Variants in CALHM1 observed in about 807,000 individuals in gnomAD.
The protein encoded by CALHM1 is calcium homeostasis modulator 1, also known as calcium homeostasis modulator protein 1.
Under a neutral mutation model 14.8 loss-of-function variants are expected in CALHM1, and 11 were observed. The ratio of observed to expected loss-of-function variants is 0.74; its 90% confidence interval spans 0.47 to 1.23. The LOEUF (loss-of-function observed/expected upper bound fraction) is 1.23. CALHM1 is among the 50% of genes most tolerant of loss of function. The pLI is 0.00. For synonymous variants in CALHM1, 215 were observed against 218.9 expected (o/e 0.98, Z 0.16); for missense variants, 458 against 496.4 (o/e 0.92, Z 0.74).
At position 103,458,395 on chromosome 10, in the gene CALHM1, T is replaced by A; in HGVS notation, c.357A>T (p.Leu119=). The change falls in exon 1 of 2, where the codon CTA becomes CTT. Residue 119 remains leucine, a synonymous_variant. Transcript: ENST00000329905. The surrounding 1 kb of genome is among the most constrained non-coding windows in gnomAD (Gnocchi z 4.9). ...CACAGAGGAAGCATTTGCCGTCGAGTAGCGTGACGGCCACCCAGACGACAG... is the reference window on the plus strand; with the variant it reads ...CACAGAGGAAGCATTTGCCGTCGAGAAGCGTGACGGCCACCCAGACGACAG... The part of the protein sequence containing the change: ...IAPVVWVAVT[L]LDGKCFLCAF... The A allele has an allele frequency of 6.2e-7, 1 of 1,608,934 alleles. No individual in the cohort carries two copies. The highest frequency in any genetic ancestry group is 8.5e-7 in the Non-Finnish European group (1 of 1,176,958).
Position 103,455,635 on chromosome 10 carries a change from TA to T in CALHM1, c.667del (p.Tyr223IlefsTer32), listed in dbSNP as rs1564791122. On this transcript the variant is annotated frameshift_variant, in exon 2 of 2. Transcript: ENST00000329905. LOFTEE classifies it low-confidence loss of function (END_TRUNC). ...GAAGAGCTTGCGCTCGATGTCGATA[TA>T]GTGGGACCAGTACTTGCTCTTGAGG... ...AFLKSKYWSH[Y>X]IDIERKLFDE... is the part of the protein sequence containing the mutation. 6.2e-7 allele frequency: 1 copy of T among 1,613,812 alleles called. No individual in the cohort carries two copies. The highest frequency in any genetic ancestry group is 8.5e-7 in the Non-Finnish European group (1 of 1,180,028).
rs2033177972 is a variant in CALHM1, at chr10:103,458,362, G to A, written c.390C>T (p.Cys130=). The change falls in exon 1 of 2, where the codon TGC becomes TGT. Residue 130 remains cysteine (C), a synonymous_variant. Transcript: ENST00000329905. The surrounding 1 kb of genome is among the most constrained non-coding windows in gnomAD (Gnocchi z 4.9). ...CCAGTGCGCTCACGGGCACGGCAGTGCAGAAGGCACAGAGGAAGCATTTGC... is the reference window on the plus strand; with the variant it reads ...CCAGTGCGCTCACGGGCACGGCAGTACAGAAGGCACAGAGGAAGCATTTGC... ...LDGKCFLCAF[C]TAVPVSALGN... 2 of 1,610,720 alleles carry A rather than the reference G, an allele frequency of 1.2e-6. No homozygotes were observed. Among genetic ancestry groups the A allele is most frequent in the Admixed American group, 3.3e-5 (2 of 59,836 alleles).
chr10:103,458,108 C>A lies in CALHM1; in HGVS notation c.555+89G>T. ...CCTCGGAGCTCCACCTGAGCAGAGG[C>A]CCCATTTTGAGAGGTAGGGGGATAG... On this transcript the variant is annotated intron_variant, in intron 1 of 1. Coordinates refer to ENST00000329905, the MANE Select transcript of CALHM1 (RefSeq NM_001001412.4). This position sits in a 1 kb window ranked among gnomAD's most constrained non-coding sequence, Gnocchi z 4.9. 1 of 1,460,530 alleles carries A rather than the reference C, an allele frequency of 6.8e-7. No homozygotes were observed. Among genetic ancestry groups the A allele is most frequent in the Non-Finnish European group, 9.4e-7 (1 of 1,069,030 alleles). 90.5% of individuals were successfully genotyped at this position (1,460,530 alleles called of 1,614,324 possible).
Position 103,458,850 on chromosome 10 carries a change from G to A in CALHM1, c.-99C>T, listed in dbSNP as rs1238875130. 16 of 1,244,844 alleles carry A rather than the reference G, an allele frequency of 1.3e-5. No individual in the cohort carries two copies. In the Admixed American group the frequency reaches 1.6e-4, roughly 12 times the overall value. 77.1% of individuals were successfully genotyped at this position (1,244,844 alleles called of 1,614,324 possible). ...CCACTGGGTGCCCACCTCATGACTC[G>A]GGCTCTCCTGGCTGGGACCAACAGA... is the stretch of plus-strand genomic sequence containing the variant. On this transcript the variant is annotated 5_prime_UTR_variant, in exon 1 of 2. Coordinates refer to ENST00000329905, the MANE Select transcript of CALHM1 (RefSeq NM_001001412.4). The surrounding 1 kb of genome is among the most constrained non-coding windows in gnomAD (Gnocchi z 4.9).
In CALHM1 at chr10:103,458,606, T is replaced by C. The variant is rs201773178; in HGVS notation, c.146A>G (p.Asn49Ser). The C allele has an allele frequency of 1.4e-4, 228 of 1,613,834 alleles. No homozygotes were observed. The highest frequency in any genetic ancestry group is 1.7e-4 in the Non-Finnish European group (199 of 1,180,034). The change falls in exon 1 of 2, where the codon AAT becomes AGT. Residue 49 changes from asparagine (N) to serine (S), a missense_variant. Coordinates refer to ENST00000329905, the MANE Select transcript of CALHM1 (RefSeq NM_001001412.4). This position sits in a 1 kb window ranked among gnomAD's most constrained non-coding sequence, Gnocchi z 4.9. ...DFNCPCLPGYNAAYSAGILLA... is the reference protein window; with the variant it reads ...DFNCPCLPGYSAAYSAGILLA... ...CAGGATGCCCGCGCTGTAGGCTGCA[T>C]TGTAGCCCGGCAGGCAGGGGCAGTT...
chr10:103,456,305 T>C lies in CALHM1; in HGVS notation c.556-558A>G, dbSNP rs1190403095. The stretch of plus-strand genomic sequence containing the variant: ...CTTCCTTGATCTCCCCAGGCCATAG[T>C]GGCCCATTTTCCTCTGAGTCCTGAA... On this transcript the variant is annotated intron_variant, in intron 1 of 1. Transcript: ENST00000329905. 2.0e-5 allele frequency among the ~76,000 whole-genome samples: 3 copies of C among 152,220 alleles called. No individual in the cohort carries two copies. In the East Asian group the frequency reaches 5.8e-4, roughly 29 times the overall value.
Position 103,455,557 on chromosome 10 carries a change from T to C in CALHM1, c.746A>G (p.Gln249Arg). Reference sequence around the variant, plus strand: ...GTCATGGTTCATGGCCTCGAAGAACTGCTGGATGCAGACCTTGGCAAAGGC... The same window carrying C: ...GTCATGGTTCATGGCCTCGAAGAACCGCTGGATGCAGACCTTGGCAAAGGC... ...AKAFAKVCIQ[Q>R]FFEAMNHDLE... Residue 249 changes from glutamine to arginine, a missense_variant, in exon 2 of 2, where the codon CAG (glutamine) becomes CGG (arginine). Gln to Arg is a conservative substitution (Grantham distance 43). Transcript: ENST00000329905. The C allele has an allele frequency of 6.2e-7, 1 of 1,614,038 alleles. No individual in the cohort carries two copies.
In CALHM1 at chr10:103,458,474, G is replaced by C. The variant is rs1375786537; in HGVS notation, c.278C>G (p.Pro93Arg). 2 of 1,613,266 alleles carry C rather than the reference G, an allele frequency of 1.2e-6. No individual in the cohort carries two copies. Among genetic ancestry groups the C allele is most frequent in the Non-Finnish European group, 1.7e-6 (2 of 1,179,940 alleles). The change falls in exon 1 of 2, where the codon CCC becomes CGC. Residue 93 changes from proline (P) to arginine (R), a missense_variant. By Grantham distance (103) the Pro-to-Arg change is moderately radical (BLOSUM62 -2). Transcript: ENST00000329905. This position sits in a 1 kb window ranked among gnomAD's most constrained non-coding sequence, Gnocchi z 4.9. ...KRPLGRRAKD[P>R]AVLRYMFCSM... ...GCAGAACATGTAGCGCAACACAGCG[G>C]GGTCCTTGGCCCGGCGGCCCAGCGG...
In CALHM1 at chr10:103,458,521, C is replaced by T. The variant is rs772370570; in HGVS notation, c.231G>A (p.Met77Ile). ...LGLVMNNNVS[M>I]LAEEWKRPLG... ...GCGGCCGCTTCCACTCTTCGGCCAG[C>T]ATGGACACGTTGTTGTTCATGACCA... Residue 77 changes from methionine (M) to isoleucine (I), a missense_variant, in exon 1 of 2, where the codon ATG (methionine) becomes ATA (isoleucine). Transcript: ENST00000329905. This position sits in a 1 kb window ranked among gnomAD's most constrained non-coding sequence, Gnocchi z 4.9. The T allele has an allele frequency of 2.5e-6, 4 of 1,613,518 alleles. No individual in the cohort carries two copies. In the East Asian group the frequency reaches 8.9e-5, roughly 36 times the overall value.
Position 103,455,266 on chromosome 10 carries a change from A to G in CALHM1, c.1037T>C (p.Val346Ala). ...GCCTCTTCAGCTGGCCACACCTCAC[A>G]CTTTGCTGAAGTAGGTGGCCACCTC... ...RKEVATYFSK[V>A] is the part of the protein sequence containing the mutation. The change falls in exon 2 of 2, where the codon GTG becomes GCG. Residue 346 changes from valine to alanine, a missense_variant. By Grantham distance (64) the Val-to-Ala change is moderately conservative. Coordinates refer to ENST00000329905, the MANE Select transcript of CALHM1 (RefSeq NM_001001412.4). 1 of 1,599,848 alleles carries G rather than the reference A, an allele frequency of 6.3e-7. No individual in the cohort carries two copies.
Position 103,458,056 on chromosome 10 carries a change from G to T in CALHM1, c.555+141C>A. ...GGGCAGATGCGTGGCTCTGCCTTCAGCCTCAGTTGGGAAGATGCCCCCCAC... is the reference window on the plus strand; with the variant it reads ...GGGCAGATGCGTGGCTCTGCCTTCATCCTCAGTTGGGAAGATGCCCCCCAC... On this transcript the variant is annotated intron_variant, in intron 1 of 1. Transcript: ENST00000329905. This position sits in a 1 kb window ranked among gnomAD's most constrained non-coding sequence, Gnocchi z 4.9. 1 of 1,009,588 alleles carries T rather than the reference G, an allele frequency of 9.9e-7. No individual in the cohort carries two copies. The highest frequency in any genetic ancestry group is 1.5e-6 in the Non-Finnish European group (1 of 688,984). The allele number at this position is 1,009,588 out of a possible 1,614,324, so 62.5% of individuals were successfully genotyped here.
In CALHM1 at chr10:103,458,507, C is replaced by G. The variant is rs749237543; in HGVS notation, c.245G>C (p.Trp82Ser). 1 of 1,613,504 alleles carries G rather than the reference C, an allele frequency of 6.2e-7. No individual in the cohort carries two copies. The highest frequency in any genetic ancestry group is 8.5e-7 in the Non-Finnish European group (1 of 1,180,010). The change falls in exon 1 of 2, where the codon TGG (tryptophan) becomes TCG (serine). Residue 82 changes from tryptophan to serine, a missense_variant. Coordinates refer to ENST00000329905, the MANE Select transcript of CALHM1 (RefSeq NM_001001412.4). The surrounding 1 kb of genome is among the most constrained non-coding windows in gnomAD (Gnocchi z 4.9). ...GGCCCGGCGGCCCAGCGGCCGCTTC[C>G]ACTCTTCGGCCAGCATGGACACGTT... is the stretch of plus-strand genomic sequence containing the variant. Reference protein sequence around the residue: ...NNNVSMLAEEWKRPLGRRAKD... With the variant: ...NNNVSMLAEESKRPLGRRAKD...
chr10:103,455,071 C>T lies in CALHM1; in HGVS notation c.*191G>A. On this transcript the variant is annotated 3_prime_UTR_variant, in exon 2 of 2. Coordinates refer to ENST00000329905, the MANE Select transcript of CALHM1 (RefSeq NM_001001412.4). ...CCTAGGGCCATCCAGGGCAGTGTCA[C>T]ACCTGAAGGCATCAGATCCCCTTCC... The T allele has an allele frequency of 6.2e-6, 5 of 807,834 alleles. No individual in the cohort carries two copies. Among genetic ancestry groups the T allele is most frequent in the Non-Finnish European group, 7.6e-6 (4 of 527,200 alleles). 50.0% of individuals were successfully genotyped at this position (807,834 alleles called of 1,614,324 possible).
In CALHM1 at chr10:103,455,438, T is replaced by C; in HGVS notation, c.865A>G (p.Lys289Glu). 6.2e-7 allele frequency: 1 copy of C among 1,613,998 alleles called. No individual in the cohort carries two copies. Among genetic ancestry groups the C allele is most frequent in the South Asian group, 1.1e-5 (1 of 91,080 alleles). ...TPDGAEEERE[K>E]LRGITDQGTM... Reference sequence around the variant, plus strand: ...CCTTGATCCGTGATGCCACGCAGCTTCTCCCTTTCCTCCTCCGCACCATCG... The same window carrying C: ...CCTTGATCCGTGATGCCACGCAGCTCCTCCCTTTCCTCCTCCGCACCATCG... Residue 289 changes from lysine (K) to glutamate (E), a missense_variant, in exon 2 of 2, where the codon AAG (lysine) becomes GAG (glutamate). Transcript: ENST00000329905.
chr10:103,455,552 A>G lies in CALHM1; in HGVS notation c.751T>C (p.Phe251Leu). ...TCCAGGTCATGGTTCATGGCCTCGA[A>G]GAACTGCTGGATGCAGACCTTGGCA... ...AFAKVCIQQF[F>L]EAMNHDLELG... The change falls in exon 2 of 2, where the codon TTC becomes CTC. Residue 251 changes from phenylalanine to leucine, a missense_variant. Transcript: ENST00000329905. The G allele has an allele frequency of 6.2e-7, 1 of 1,614,018 alleles. No individual in the cohort carries two copies. Among genetic ancestry groups the G allele is most frequent in the Non-Finnish European group, 8.5e-7 (1 of 1,180,026 alleles).
rs2033105235 is a variant in CALHM1 at position 103,453,967 on chromosome 10, A to T, written c.*1295T>A. The T allele has an allele frequency of 2.0e-5, 3 of 152,350 alleles. No individual in the cohort carries two copies. Among genetic ancestry groups the T allele is most frequent in the South Asian group, 4.1e-4 (2 of 4,826 alleles). 9.4% of individuals were successfully genotyped at this position (152,350 alleles called of 1,614,324 possible). Reference sequence around the variant, plus strand: ...ATGGAATCATGCCAAGATCAAAATGAATCCTTAGATGCTTGGGACTTATGT... The same window carrying T: ...ATGGAATCATGCCAAGATCAAAATGTATCCTTAGATGCTTGGGACTTATGT... On this transcript the variant is annotated 3_prime_UTR_variant, in exon 2 of 2. Coordinates refer to ENST00000329905, the MANE Select transcript of CALHM1 (RefSeq NM_001001412.4).
intron 1 of CALHM1, among the ~76,000 whole-genome samples, chr10:103,455,958 C>T (rs762591413): frequency 2.9e-4 from 44 of 152,234 alleles, no homozygotes; most frequent in Non-Finnish European, 2.5e-4. Context: ...AAGAAGATCA[C>T]GTGGGTAAAG....
Position 103,455,041 on chromosome 10 carries a change from A to C in CALHM1, c.*221T>G, listed in dbSNP as rs1378295048. On this transcript the variant is annotated 3_prime_UTR_variant, in exon 2 of 2. Coordinates refer to ENST00000329905, the MANE Select transcript of CALHM1 (RefSeq NM_001001412.4). ...TTAGACTAATACTGCTCATGGGCCC[A>C]CTGCCCTAGGGCCATCCAGGGCAGT... is the stretch of plus-strand genomic sequence containing the variant. The C allele has an allele frequency of 1.5e-6, 1 of 654,102 alleles. No homozygotes were observed. Among genetic ancestry groups the C allele is most frequent in the Non-Finnish European group, 2.5e-6 (1 of 392,744 alleles). 40.5% of individuals were successfully genotyped at this position (654,102 alleles called of 1,614,324 possible). A position where few individuals can be genotyped will look rare whatever the true frequency, so the allele number is the denominator to read the frequency against.
At position 103,458,442 on chromosome 10, in the gene CALHM1, C is replaced by T; in HGVS notation, c.310G>A (p.Ala104Thr). ...AVLRYMFCSM[A>T]QRALIAPVVW... Reference sequence around the variant, plus strand: ...ACAGGCGCGATGAGGGCGCGCTGGGCCATGGAGCAGAACATGTAGCGCAAC... The same window carrying T: ...ACAGGCGCGATGAGGGCGCGCTGGGTCATGGAGCAGAACATGTAGCGCAAC... The change falls in exon 1 of 2, where the codon GCC (alanine) becomes ACC (threonine). Residue 104 changes from alanine to threonine, a missense_variant. Physicochemically the swap from Ala to Thr is moderately conservative, Grantham distance 58. Transcript: ENST00000329905. The surrounding 1 kb of genome is among the most constrained non-coding windows in gnomAD (Gnocchi z 4.9). 6.2e-7 allele frequency: 1 copy of T among 1,612,126 alleles called. No homozygotes were observed. The highest frequency in any genetic ancestry group is 8.5e-7 in the Non-Finnish European group (1 of 1,179,134).
Sources: allele counts gnomAD v4.1 joint callset (sites outside exome capture counted in the v4.1 genomes callset), GRCh38; gene constraint gnomAD v4.1.1; non-coding constraint Gnocchi (gnomAD v3.1); transcripts MANE v1.5; gene names NCBI Gene and HGNC (gene_info 2026-07-23, HGNC 2026-07-21).